Variants in GOLM2 observed in about 807,000 individuals in gnomAD.
GOLM2 encodes the protein golgi membrane protein 2.
In GOLM2, 26 loss-of-function variants were observed where a neutral mutation model predicts 55.9. The ratio of observed to expected loss-of-function variants is 0.47; its 90% CI spans 0.34 to 0.65. GOLM2 has a LOEUF of 0.65. Among genes scored for constraint, GOLM2 ranks in the 30% least tolerant of loss-of-function variants. GOLM2 has a pLI of 0.01. For synonymous variants in GOLM2, 165 were observed against 194.6 expected, an observed-to-expected ratio of 0.85 and a Z score of 1.27; for missense variants, 486 against 531.8, an observed-to-expected ratio of 0.91 and a Z score of 0.85.
chr15:44,300,218 G>C lies in GOLM2; in HGVS notation c.327+10862G>C, dbSNP rs567758271. 2.1e-4 allele frequency among the ~76,000 whole-genome samples: 31 copies of C among 147,648 alleles called. No homozygotes were observed. The South Asian group carries it at 6.4e-3, about 30-fold the overall frequency. On this transcript the variant is annotated intron_variant, in intron 1 of 9. Coordinates refer to ENST00000299957, the MANE Select transcript of GOLM2 (RefSeq NM_138423.4). ...AGGGAAGGAGAGAAAGAGGAAGAAA[G>C]AGGGAGAGGGAGAGGGAAGAAAGAA...
chr15:44,386,137 G>A (rs1278435283), intron 8 of GOLM2, among the ~76,000 whole-genome samples: 2 of 152,076 alleles, frequency 1.3e-5, no homozygotes, highest in Non-Finnish European at 2.9e-5. Flanking sequence ...ATTTCCCCCT[G>A]TGTTTTCTTC....
In GOLM2 at chr15:44,346,674, A is replaced by T. The variant is rs2079126648; in HGVS notation, c.802+8357A>T. Among the ~76,000 whole-genome samples the T allele has an allele frequency of 2.0e-5, 3 of 152,340 alleles. No individual in the cohort carries two copies. The South Asian group carries it at 6.2e-4, about 32-fold the overall frequency. On this transcript the variant is annotated intron_variant, in intron 6 of 9. Transcript: ENST00000299957. The stretch of plus-strand genomic sequence containing the variant: ...TCATTATTGTAGAAAGTTCTGTTGG[A>T]CAGTACTGCTCTAGATTGAAACCAG...
At chr15:44,378,011 GTA>G (rs911365084) in intron 6 of GOLM2, among the ~76,000 whole-genome samples, 2 of 149,028 alleles carry the variant, frequency 1.3e-5, no homozygotes, top group Non-Finnish European at 1.5e-5. Context: ...TTATTAAGAA[GTA>G]TATATATATA....
intron 8 of GOLM2, among the ~76,000 whole-genome samples, chr15:44,397,076 C>T (rs1217108485): frequency 6.6e-6 from 1 of 152,034 alleles, no homozygotes; most frequent in Non-Finnish European, 1.5e-5. Context: ...TTATTACTCC[C>T]CTAGCTGGGC....
Position 44,379,659 on chromosome 15 carries a change from G to A in GOLM2, c.803-31G>A, listed in dbSNP as rs183094579. 1.1e-3 allele frequency: 1,083 copies of A among 954,248 alleles called. 7 individuals are homozygous for A. The African/African-American group carries it at 0.016, about 14-fold the overall frequency. 59.1% of individuals were successfully genotyped at this position (954,248 alleles called of 1,614,324 possible). ...TTTTTAGAAATCATAGTATCAATGG[G>A]AATAATATGGATTTATTTTTTTTCT... is the stretch of plus-strand genomic sequence containing the variant. On this transcript the variant is annotated intron_variant, in intron 6 of 9. Transcript: ENST00000299957.
intron 1 of GOLM2, among the ~76,000 whole-genome samples, chr15:44,319,793 T>A (rs1175781044): frequency 6.6e-6 from 1 of 152,182 alleles, no homozygotes; most frequent in African/African-American, 2.4e-5. Context: ...TTTGCCATGT[T>A]GCCCAGAGTA....
chr15:44,399,669 T>C (rs1213095573), intron 8 of GOLM2, among the ~76,000 whole-genome samples: 2 of 152,212 alleles, frequency 1.3e-5, no homozygotes, highest in East Asian at 3.8e-4. Context: ...CTTAGCCTAA[T>C]GTTTTGAGTC....
intron 4 of GOLM2, among the ~76,000 whole-genome samples, chr15:44,336,024 C>T (rs1030010525): frequency 6.6e-6 from 1 of 151,630 alleles, no homozygotes; most frequent in African/African-American, 2.4e-5. Context: ...CATGTTGGTC[C>T]GGCTGATTTT....
At chr15:44,394,411 G>A (rs1446969567) in intron 8 of GOLM2, among the ~76,000 whole-genome samples, 7 of 152,162 alleles carry the variant, frequency 4.6e-5, no homozygotes, top group East Asian at 1.9e-4. Flanking sequence ...CCTTGGAAAC[G>A]GGGAGATGGT....
chr15:44,289,218 G>A lies in GOLM2; in HGVS notation c.189G>A (p.Leu63=). The A allele has an allele frequency of 6.2e-7, 1 of 1,614,162 alleles. No homozygotes were observed. The highest frequency in any genetic ancestry group is 8.5e-7 in the Non-Finnish European group (1 of 1,180,028). Residue 63 remains leucine, a synonymous_variant, in exon 1 of 10, where the codon CTG becomes CTA. Transcript: ENST00000299957. The surrounding 1 kb of genome is among the most constrained non-coding windows in gnomAD (Gnocchi z 4.8). The part of the protein sequence containing the change: ...VQRTEVARGR[L]EKRNSDLLLL... Reference sequence around the variant, plus strand: ...GCACCGAAGTGGCCCGCGGGCGGCTGGAAAAGCGCAATTCGGACCTCTTGC... The same window carrying A: ...GCACCGAAGTGGCCCGCGGGCGGCTAGAAAAGCGCAATTCGGACCTCTTGC...
At chr15:44,330,976 T>C (rs1020621673) in intron 3 of GOLM2, among the ~76,000 whole-genome samples, 7 of 152,168 alleles carry the variant, frequency 4.6e-5, no homozygotes, top group African/African-American at 1.7e-4. Context: ...TATATATATA[T>C]ACATATAGGA....
At chr15:44,400,574 C>CG (rs1411083873) in intron 8 of GOLM2, among the ~76,000 whole-genome samples, 5 of 111,020 alleles carry the variant, frequency 4.5e-5, no homozygotes, top group African/African-American at 2.0e-4. Flanking sequence ...GCCTTGCCGC[C>CG]TTTTTTTTTT....
At chr15:44,355,018 G>C (rs906050079) in intron 6 of GOLM2, 2 of 153,992 alleles carry the variant, frequency 1.3e-5, no homozygotes, top group African/African-American at 4.8e-5. Flanking sequence ...TATATGGCTG[G>C]GGCACACTTA....
chr15:44,317,136 A>G (rs1030309642), intron 1 of GOLM2, among the ~76,000 whole-genome samples: 1 of 152,202 alleles, frequency 6.6e-6, no homozygotes, highest in South Asian at 2.1e-4. Flanking sequence ...TCAGAAGCAG[A>G]TTTAAAATGG....
intron 6 of GOLM2, among the ~76,000 whole-genome samples, chr15:44,365,085 A>G (rs2079274823): frequency 6.6e-6 from 1 of 152,232 alleles, no homozygotes; most frequent in Non-Finnish European, 1.5e-5. Flanking sequence ...TAGCCTGCAC[A>G]TAAATGTTTA....
intron 8 of GOLM2, chr15:44,387,466 A>G (rs1368236055): frequency 6.6e-6 from 1 of 152,128 alleles, no homozygotes; most frequent in Non-Finnish European, 1.5e-5. Flanking sequence ...GTGCATATAA[A>G]TATGACTGAT....
chr15:44,391,103 C>T (rs1033711428), intron 8 of GOLM2, among the ~76,000 whole-genome samples: 1 of 152,014 alleles, frequency 6.6e-6, no homozygotes, highest in Admixed American at 6.6e-5. Flanking sequence ...TCAAAAGTTC[C>T]CCCCTTCCCT....
intron 8 of GOLM2, among the ~76,000 whole-genome samples, chr15:44,390,800 C>T (rs970912221): frequency 2.4e-4 from 36 of 151,978 alleles, no homozygotes; most frequent in African/African-American, 8.0e-4. Context: ...TACTCCTAAC[C>T]TCAGGTGATC....
At position 44,414,478 on chromosome 15, in the gene GOLM2, T is replaced by A. The variant is rs554917133; in HGVS notation, c.*1072T>A. Reference sequence around the variant, plus strand: ...TCAAGTAATACCAGTACTGTTTAACTATAGCCAGAACTGGCTAAAATTTTT... The same window carrying A: ...TCAAGTAATACCAGTACTGTTTAACAATAGCCAGAACTGGCTAAAATTTTT... On this transcript the variant is annotated 3_prime_UTR_variant, in exon 10 of 10. Coordinates refer to ENST00000299957, the MANE Select transcript of GOLM2 (RefSeq NM_138423.4). 2.0e-5 allele frequency: 3 copies of A among 152,376 alleles called. 1 individual carries two copies. The South Asian group carries it at 6.2e-4, about 32-fold the overall frequency. The allele number at this position is 152,376 out of a possible 1,614,324, so 9.4% of individuals were successfully genotyped here.
Sources: gnomAD v4.1 joint callset for allele counts (sites outside exome capture counted in the v4.1 genomes callset) on GRCh38, gnomAD v4.1.1 for gene constraint, Gnocchi (gnomAD v3.1) non-coding constraint, MANE v1.5 for transcripts, NCBI Gene and HGNC (gene_info 2026-07-23, HGNC 2026-07-21) for gene names.